Variants in TNR observed in about 807,000 individuals in gnomAD.
The protein encoded by TNR is tenascin-R.
In TNR, 45 loss-of-function variants were observed where a neutral mutation model predicts 150.4. The observed-to-expected ratio is 0.30, with a 90% CI of 0.24 to 0.38. The LOEUF is 0.38. Ranked by LOEUF, TNR falls within the 10% of genes least tolerant of loss-of-function variation. The pLI is 1.00. For missense variants in TNR, 1,544 were observed against 1,759.1 expected, an observed-to-expected ratio of 0.88 and a Z score of 2.19; for synonymous variants, 687 against 678.4, an observed-to-expected ratio of 1.01 and a Z score of -0.20.
At position 175,617,169 on chromosome 1, in the gene TNR, C is replaced by T. The variant is rs543399371; in HGVS notation, c.-164-88800G>A. On this transcript the variant is annotated intron_variant, in intron 1 of 22. Transcript: ENST00000367674. Reference sequence around the variant, plus strand: ...GCATGGTTAGAGTCCCTGTCCAGGACCGTGCTTGCTGCCATATTCGCTGAG... The same window carrying T: ...GCATGGTTAGAGTCCCTGTCCAGGATCGTGCTTGCTGCCATATTCGCTGAG... Among the ~76,000 whole-genome samples, 142 of 152,322 alleles carry T rather than the reference C, an allele frequency of 9.3e-4. 1 individual carries two copies. Among genetic ancestry groups the T allele is most frequent in the African/African-American group, 3.3e-3 (136 of 41,568 alleles).
intron 1 of TNR, among the ~76,000 whole-genome samples, chr1:175,693,651 C>T (rs1299777103): frequency 6.6e-6 from 1 of 152,232 alleles, no homozygotes; most frequent in Non-Finnish European, 1.5e-5. Flanking sequence ...CTACAGGTGA[C>T]TGTTCTAAAA....
intron 2 of TNR, among the ~76,000 whole-genome samples, chr1:175,416,267 G>T (rs1264464528): frequency 6.6e-6 from 1 of 152,138 alleles, no homozygotes; most frequent in East Asian, 1.9e-4. Context: ...ATGAGGGTAT[G>T]GGAATGATTT....
At chr1:175,674,289 G>A (rs2101905193) in intron 1 of TNR, among the ~76,000 whole-genome samples, 1 of 152,326 alleles carries the variant, frequency 6.6e-6, no homozygotes, top group South Asian at 2.1e-4. Flanking sequence ...TTTTTACCAT[G>A]AGATAGCTCC....
At chr1:175,504,613 C>A (rs954858634) in intron 2 of TNR, among the ~76,000 whole-genome samples, 6 of 152,096 alleles carry the variant, frequency 3.9e-5, no homozygotes, top group Non-Finnish European at 2.9e-5. Flanking sequence ...AGCTGATGTC[C>A]CTGTGGGTCA....
At chr1:175,484,232 C>T (rs992534628) in intron 2 of TNR, among the ~76,000 whole-genome samples, 2 of 152,204 alleles carry the variant, frequency 1.3e-5, no homozygotes, top group African/African-American at 4.8e-5. Flanking sequence ...TGAAACTCTC[C>T]ATTCCAACCA....
rs1648845116 is a variant in TNR, at chr1:175,316,391, G to A, written c.*6966C>T. ...TGTACTCCCGCAGGGGACTGTGAAG[G>A]TGTTTGTACCCCTGGGAGTCTGGAA... On this transcript the variant is annotated 3_prime_UTR_variant, in exon 23 of 23. Transcript: ENST00000367674. The A allele has an allele frequency of 6.6e-6, 1 of 152,218 alleles. No homozygotes were observed. The highest frequency in any genetic ancestry group is 6.5e-5 in the Admixed American group (1 of 15,288). The allele number at this position is 152,218 out of a possible 1,614,324, so 9.4% of individuals were successfully genotyped here.
intron 1 of TNR, among the ~76,000 whole-genome samples, chr1:175,660,731 A>G (rs572749012): frequency 2.0e-5 from 3 of 152,338 alleles, no homozygotes; most frequent in East Asian, 3.9e-4. Flanking sequence ...GCATAGAGCT[A>G]CTGTTGGATT....
At chr1:175,499,916 T>C (rs74531309) in intron 2 of TNR, among the ~76,000 whole-genome samples, 3,863 of 152,278 alleles carry the variant, frequency 0.025, 52 homozygotes, top group African/African-American at 0.036. Flanking sequence ...GCACAAGTCA[T>C]GGTGCAATAC....
At chr1:175,500,383 G>A (rs1658681490) in intron 2 of TNR, among the ~76,000 whole-genome samples, 1 of 152,208 alleles carries the variant, frequency 6.6e-6, no homozygotes, top group African/African-American at 2.4e-5. Flanking sequence ...TTTGGGGCCT[G>A]GGAGGGCCTC....
chr1:175,647,693 G>A (rs1461303577), intron 1 of TNR, among the ~76,000 whole-genome samples: 3 of 152,176 alleles, frequency 2.0e-5, no homozygotes, highest in African/African-American at 7.2e-5. Context: ...GTCCTCAGCA[G>A]ACTTGAGCTT....
At chr1:175,381,891 G>A (rs1032866810) in intron 8 of TNR, among the ~76,000 whole-genome samples, 6 of 152,106 alleles carry the variant, frequency 3.9e-5, no homozygotes, top group Non-Finnish European at 5.9e-5. Flanking sequence ...TATTCATTGC[G>A]CTCTAGCTAT....
At chr1:175,565,330 T>C (rs1661598378) in intron 1 of TNR, among the ~76,000 whole-genome samples, 1 of 152,166 alleles carries the variant, frequency 6.6e-6, no homozygotes, top group South Asian at 2.1e-4. Context: ...ACAGAAATGG[T>C]GAATCTACAA....
At chr1:175,606,323 G>A (rs1477212976) in intron 1 of TNR, among the ~76,000 whole-genome samples, 1 of 152,122 alleles carries the variant, frequency 6.6e-6, no homozygotes, top group Non-Finnish European at 1.5e-5. Flanking sequence ...CAGATGCTGG[G>A]CCTCAAAGAA....
chr1:175,328,169 T>C (rs1421583418), intron 21 of TNR, among the ~76,000 whole-genome samples: 3 of 152,218 alleles, frequency 2.0e-5, no homozygotes, highest in Non-Finnish European at 2.9e-5. Flanking sequence ...TGTGATGAGT[T>C]ACTTCCTGTT....
Position 175,504,967 on chromosome 1 carries a change from G to C in TNR, c.-64+23302C>G, listed in dbSNP as rs559250041. Among the ~76,000 whole-genome samples the C allele has an allele frequency of 2.6e-5, 4 of 152,310 alleles. No individual in the cohort carries two copies. In the South Asian group the frequency reaches 8.3e-4, roughly 32 times the overall value. ...GAGGTGGCCATCTAGAAGCCAAGGAGAGAGGACTGGAACAGATCCCTTTCT... is the reference window on the plus strand; with the variant it reads ...GAGGTGGCCATCTAGAAGCCAAGGACAGAGGACTGGAACAGATCCCTTTCT... On this transcript the variant is annotated intron_variant, in intron 2 of 22. Coordinates refer to ENST00000367674, the MANE Select transcript of TNR (RefSeq NM_003285.3).
intron 13 of TNR, 123 bp downstream of exon 13, chr1:175,363,585 T>G: frequency 7.6e-7 from 1 of 1,312,054 alleles, no homozygotes; most frequent in Non-Finnish European, 1.0e-6. Context: ...CTCATTCTGA[T>G]GCAGCATGCC....
chr1:175,732,565 T>TA (rs1454963925), intron 1 of TNR, among the ~76,000 whole-genome samples: 1 of 152,248 alleles, frequency 6.6e-6, no homozygotes, highest in East Asian at 1.9e-4. Context: ...GCTCTGGTCT[T>TA]ACTTTGAACC....
chr1:175,708,257 T>A (rs566675217), intron 1 of TNR, among the ~76,000 whole-genome samples: 1 of 152,250 alleles, frequency 6.6e-6, no homozygotes, highest in East Asian at 1.9e-4. Flanking sequence ...CCTCCTTCCT[T>A]TCTCTGTTGA....
At chr1:175,659,231 C>A (rs548533330) in intron 1 of TNR, among the ~76,000 whole-genome samples, 3 of 152,242 alleles carry the variant, frequency 2.0e-5, no homozygotes, top group East Asian at 1.9e-4. Flanking sequence ...AGGCTGGAGC[C>A]GCAGCACACC....
Sources: allele counts gnomAD v4.1 joint callset (sites outside exome capture counted in the v4.1 genomes callset), GRCh38; gene constraint gnomAD v4.1.1; transcripts MANE v1.5; gene names NCBI Gene and HGNC (gene_info 2026-07-23, HGNC 2026-07-21).